The following PDE8A variants were observed in gnomAD, a reference collection of about 807,000 sequenced individuals.
PDE8A encodes the protein phosphodiesterase 8A, also known as high affinity cAMP-specific and IBMX-insensitive 3',5'-cyclic phosphodiesterase 8A.
In PDE8A, 59 loss-of-function variants were observed where a neutral mutation model predicts 105.0. The ratio of observed to expected loss-of-function variants is 0.56; its 90% CI spans 0.46 to 0.70. PDE8A has a LOEUF of 0.70. Ranked by LOEUF, PDE8A falls within the 30% of genes least tolerant of loss-of-function variation. The probability of loss-of-function intolerance (pLI) is 0.00; values close to 1 mark genes in which losing one functional copy is unlikely to be tolerated. For missense variants in PDE8A, 1,014 were observed against 1,045.9 expected (o/e 0.97, Z 0.42); for synonymous variants, 355 against 371.9 (o/e 0.95, Z 0.52).
intron 7 of PDE8A, among the ~76,000 whole-genome samples, chr15:85,089,902 A>G (rs968935599): frequency 7.9e-5 from 12 of 152,252 alleles, no homozygotes; most frequent in Non-Finnish European, 1.5e-5. Context: ...CATTATTAGC[A>G]AAGTGGGTTT....
chr15:85,029,570 TC>T (rs1182227150), intron 1 of PDE8A, among the ~76,000 whole-genome samples: 2 of 152,158 alleles, frequency 1.3e-5, no homozygotes, highest in East Asian at 1.9e-4. Context: ...ACATTTTACT[TC>T]TATTTATTTC....
At chr15:85,137,602 G>C (rs973851695) in intron 21 of PDE8A, among the ~76,000 whole-genome samples, 195 bp from the exon 22 acceptor site, 4 of 152,214 alleles carry the variant, frequency 2.6e-5, no homozygotes, top group Non-Finnish European at 5.9e-5. Flanking sequence ...TCACAGAGGA[G>C]GTGCTGGCAT....
chr15:85,110,565 T>C (rs2082006913), intron 12 of PDE8A, among the ~76,000 whole-genome samples: 1 of 152,186 alleles, frequency 6.6e-6, no homozygotes, highest in Non-Finnish European at 1.5e-5. Context: ...CTTGTTTGTG[T>C]CTAGCTTCTT....
At chr15:85,136,774 A>G (rs2082417616) in intron 21 of PDE8A, 111 bp downstream of exon 21, 2 of 1,097,732 alleles carry the variant, frequency 1.8e-6, no homozygotes, top group Non-Finnish European at 2.6e-6. Flanking sequence ...TGGGCTTTCA[A>G]GAACAAGAGC....
intron 1 of PDE8A, among the ~76,000 whole-genome samples, chr15:85,025,256 C>G (rs938282030): frequency 2.6e-5 from 4 of 152,152 alleles, no homozygotes; most frequent in Admixed American, 2.0e-4. Context: ...AACTGGATCA[C>G]TTTGCTTTTA....
At chr15:85,105,956 A>T (rs2081941804) in intron 11 of PDE8A, among the ~76,000 whole-genome samples, 1 of 152,154 alleles carries the variant, frequency 6.6e-6, no homozygotes, top group South Asian at 2.1e-4. Context: ...GACGTGGTCC[A>T]TCTCTACCCA....
At chr15:85,117,564 G>A (rs1482225025) in intron 16 of PDE8A, 77 bp from the exon 17 acceptor site, 12 of 1,249,988 alleles carry the variant, frequency 9.6e-6, no homozygotes, top group South Asian at 2.4e-5. Context: ...AATTTGGCTT[G>A]GAACCTATTC....
intron 20 of PDE8A, among the ~76,000 whole-genome samples, chr15:85,133,398 G>C (rs113332706): frequency 1.3e-5 from 2 of 152,120 alleles, no homozygotes; most frequent in African/African-American, 4.8e-5. Context: ...TTGCAAATAA[G>C]GTCTGCTCTG....
chr15:85,137,147 G>T (rs1392672805), intron 21 of PDE8A, among the ~76,000 whole-genome samples: 1 of 152,182 alleles, frequency 6.6e-6, no homozygotes, highest in African/African-American at 2.4e-5. Flanking sequence ...TCTTCGTCCT[G>T]AGGGCTGCAC....
intron 1 of PDE8A, among the ~76,000 whole-genome samples, chr15:85,008,939 C>A (rs1465906590): frequency 6.6e-6 from 1 of 152,148 alleles, no homozygotes; most frequent in Non-Finnish European, 1.5e-5. Flanking sequence ...GGCATCTCTC[C>A]CAAGCTGGTC....
intron 1 of PDE8A, among the ~76,000 whole-genome samples, chr15:85,003,570 G>A (rs996118305): frequency 1.3e-5 from 2 of 152,100 alleles, no homozygotes; most frequent in African/African-American, 4.8e-5. Context: ...GCCCCAAAAC[G>A]CTTTTTCAGC....
In PDE8A at chr15:85,126,195, C is replaced by T. The variant is rs556819126; in HGVS notation, c.2086-12C>T. The T allele has an allele frequency of 2.5e-6, 4 of 1,598,492 alleles. No individual in the cohort carries two copies. In the African/African-American group the frequency reaches 5.4e-5, roughly 21 times the overall value. On this transcript the variant is annotated splice_polypyrimidine_tract_variant and intron_variant, in intron 19 of 21. Coordinates refer to ENST00000394553, the MANE Select transcript of PDE8A (RefSeq NM_002605.3). ...TCCATTTTGATTGCTTTGAATTCCA[C>T]TCATGTTTCAGGAAACTGATAAAAA...
At chr15:85,127,911 A>G (rs1295020334) in intron 20 of PDE8A, among the ~76,000 whole-genome samples, 1 of 152,176 alleles carries the variant, frequency 6.6e-6, no homozygotes, top group African/African-American at 2.4e-5. Flanking sequence ...AATAATCAAG[A>G]AAGTGTGGTG....
chr15:84,993,142 T>C (rs2142156898), intron 1 of PDE8A, among the ~76,000 whole-genome samples: 1 of 152,272 alleles, frequency 6.6e-6, no homozygotes, highest in Non-Finnish European at 1.5e-5. Flanking sequence ...ACTTGAAACA[T>C]ATAGAAAAGA....
At chr15:85,027,701 A>G (rs988052074) in intron 1 of PDE8A, among the ~76,000 whole-genome samples, 1 of 152,230 alleles carries the variant, frequency 6.6e-6, no homozygotes, top group Non-Finnish European at 1.5e-5. Flanking sequence ...AAATTTACAC[A>G]ATTCTGTGCT....
At position 84,987,465 on chromosome 15, in the gene PDE8A, CTTTTT is replaced by C. The variant is rs10656480; in HGVS notation, c.186+5135_186+5139del. Among the ~76,000 whole-genome samples, 7 of 92,466 alleles carry C rather than the reference CTTTTT, an allele frequency of 7.6e-5. No individual in the cohort carries two copies. The South Asian group carries it at 1.1e-3, about 15-fold the overall frequency. 60.7% of individuals were successfully genotyped at this position (92,466 alleles called of 152,430 possible). A position where few individuals can be genotyped will look rare whatever the true frequency, so the allele number is the denominator to read the frequency against. ...ATAGCTTACCCATTTGGATTGGTTCCTTTTTTTTTTTTTTTTTTTTTTAAAGACAG... is the reference window on the plus strand; with the variant it reads ...ATAGCTTACCCATTTGGATTGGTTCCTTTTTTTTTTTTTTTTTAAAGACAG... On this transcript the variant is annotated intron_variant, in intron 1 of 21. Transcript: ENST00000394553.
At chr15:85,076,964 T>C (rs2081389059) in intron 5 of PDE8A, among the ~76,000 whole-genome samples, 177 bp downstream of exon 5, 1 of 152,104 alleles carries the variant, frequency 6.6e-6, no homozygotes, top group African/African-American at 2.4e-5. Context: ...GAGGACCCCT[T>C]GGGCCCAGGA....
chr15:85,114,018 T>A lies in PDE8A; in HGVS notation c.1331T>A (p.Leu444His). ...AKDDDPHAND[L>H]VGGLMSDGLR... ...GATGATGATCCCCATGCCAATGACCTTGTTGGGGGCTTAATGTCTGTAAGT... is the reference window on the plus strand; with the variant it reads ...GATGATGATCCCCATGCCAATGACCATGTTGGGGGCTTAATGTCTGTAAGT... The change falls in exon 14 of 22, where the codon CTT (leucine) becomes CAT (histidine). Residue 444 changes from leucine (L) to histidine (H), a missense_variant. Transcript: ENST00000394553. 1.9e-6 allele frequency: 3 copies of A among 1,613,768 alleles called. No individual in the cohort carries two copies. The highest frequency in any genetic ancestry group is 2.5e-6 in the Non-Finnish European group (3 of 1,179,678).
intron 5 of PDE8A, among the ~76,000 whole-genome samples, chr15:85,078,919 G>A (rs2081422093): frequency 6.6e-6 from 1 of 152,116 alleles, no homozygotes; most frequent in Non-Finnish European, 1.5e-5. Flanking sequence ...CCTTTCTTTT[G>A]GGGATATACA....
Sources: gnomAD v4.1 joint callset for allele counts (sites outside exome capture counted in the v4.1 genomes callset) on GRCh38, gnomAD v4.1.1 for gene constraint, MANE v1.5 for transcripts, NCBI Gene and HGNC (gene_info 2026-07-23, HGNC 2026-07-21) for gene names.